Variants in TCEA1 observed in about 807,000 individuals in gnomAD.
The protein encoded by TCEA1 is transcription elongation factor A protein 1.
In TCEA1, 21 loss-of-function variants were observed where a neutral mutation model predicts 43.8. The ratio of observed to expected loss-of-function variants is 0.48; its 90% confidence interval spans 0.34 to 0.69. TCEA1 has a LOEUF of 0.69. Among genes scored for constraint, TCEA1 ranks in the 30% least tolerant of loss-of-function variants. The pLI, the probability that TCEA1 is intolerant of heterozygous loss-of-function variation, is 0.01. For synonymous variants in TCEA1, 104 were observed against 117.5 expected, an observed-to-expected ratio of 0.88 and a Z score of 0.75; for missense variants, 250 against 365.1, an observed-to-expected ratio of 0.68 and a Z score of 2.57.
intron 7 of TCEA1, among the ~76,000 whole-genome samples, chr8:53,980,133 T>C (rs1727674135): frequency 1.3e-5 from 2 of 152,184 alleles, no homozygotes; most frequent in Non-Finnish European, 2.9e-5. Flanking sequence ...GATTACACTA[T>C]GAACAATGTA....
At chr8:54,002,183 A>C (rs1804291029) in intron 2 of TCEA1, among the ~76,000 whole-genome samples, 1 of 150,012 alleles carries the variant, frequency 6.7e-6, no homozygotes. Context: ...CCAAAAAGAA[A>C]AAAAAAGGGC....
At chr8:53,973,717 A>T in intron 8 of TCEA1, 1 of 567,624 alleles carries the variant, frequency 1.8e-6, no homozygotes, top group African/African-American at 1.9e-5. Flanking sequence ...GATGACTTTG[A>T]GGTAAATGTT....
At chr8:54,005,999 C>G (rs1804424610) in intron 2 of TCEA1, among the ~76,000 whole-genome samples, 1 of 152,220 alleles carries the variant, frequency 6.6e-6, no homozygotes, top group Non-Finnish European at 1.5e-5. Context: ...CTTCCACATA[C>G]TGTTTTCTCT....
chr8:53,997,125 G>C (rs1288709410), intron 3 of TCEA1, among the ~76,000 whole-genome samples: 1 of 151,902 alleles, frequency 6.6e-6, no homozygotes, highest in East Asian at 1.9e-4. Context: ...AGCCAGGATG[G>C]TCTCGATCTC....
chr8:54,000,360 A>G (rs1804218946), intron 2 of TCEA1, among the ~76,000 whole-genome samples: 1 of 152,200 alleles, frequency 6.6e-6, no homozygotes. Context: ...GATAAAATAT[A>G]TAATGTTGTA....
intron 2 of TCEA1, 94 bp downstream of exon 2, chr8:54,010,336 T>C: frequency 4.2e-6 from 4 of 942,776 alleles, no homozygotes; most frequent in Non-Finnish European, 4.8e-6. Context: ...TACACCATTA[T>C]CAAGAGACTA....
In TCEA1 at chr8:53,972,741, C is replaced by T. The variant is rs116239367; in HGVS notation, c.826-2278G>A. On this transcript the variant is annotated intron_variant, in intron 8 of 9. Coordinates refer to ENST00000521604, the MANE Select transcript of TCEA1 (RefSeq NM_006756.4). ...TAGAGAAAAACTGAGAGGTTATCAA[C>T]TCAAATGACTGAAGTACTATTATGC... 1.3e-3 allele frequency: 909 copies of T among 698,754 alleles called. 4 individuals carry two copies. In the African/African-American group the frequency reaches 0.014, roughly 11 times the overall value. 43.3% of individuals were successfully genotyped at this position (698,754 alleles called of 1,614,324 possible).
chr8:54,010,964 C>T (rs951125956), intron 1 of TCEA1, among the ~76,000 whole-genome samples: 4 of 152,044 alleles, frequency 2.6e-5, no homozygotes, highest in African/African-American at 7.2e-5. Context: ...TACAGGCACA[C>T]ACCACCACGC....
intron 3 of TCEA1, among the ~76,000 whole-genome samples, chr8:53,996,360 T>C (rs1356663303): frequency 6.6e-6 from 1 of 152,232 alleles, no homozygotes; most frequent in African/African-American, 2.4e-5. Context: ...TTCAACTGTG[T>C]GCAAGGTATT....
At chr8:53,993,896 A>C in intron 3 of TCEA1, 141 bp from the exon 4 acceptor site, 1 of 662,828 alleles carries the variant, frequency 1.5e-6, no homozygotes, top group Non-Finnish European at 2.6e-6. Context: ...AGCTATTAGC[A>C]TATGTACTAT....
intron 7 of TCEA1, among the ~76,000 whole-genome samples, chr8:53,982,481 G>A (rs1189565288): frequency 6.6e-6 from 1 of 151,832 alleles, no homozygotes; most frequent in Non-Finnish European, 1.5e-5. Flanking sequence ...GGTGGCGGGC[G>A]CCTGTAATCC....
At chr8:54,012,495 G>C (rs1431724342) in intron 1 of TCEA1, among the ~76,000 whole-genome samples, 1 of 152,180 alleles carries the variant, frequency 6.6e-6, no homozygotes. Context: ...GGAAGTGGAG[G>C]TTGCAGTGAG....
intron 8 of TCEA1, 181 bp downstream of exon 8, chr8:53,978,844 C>A (rs1037235356): frequency 7.4e-6 from 4 of 541,734 alleles, no homozygotes; most frequent in African/African-American, 5.7e-5. Flanking sequence ...TCGGAAAAAA[C>A]GTGGTATACA....
At chr8:54,007,704 T>C (rs375746463) in intron 2 of TCEA1, among the ~76,000 whole-genome samples, 10 of 152,168 alleles carry the variant, frequency 6.6e-5, no homozygotes, top group African/African-American at 2.4e-4. Flanking sequence ...ACTTTTTTTC[T>C]CAATCATGTT....
At chr8:54,010,555 T>C (rs1480505185) in intron 1 of TCEA1, 63 bp from the exon 2 acceptor site, 33 of 1,347,910 alleles carry the variant, frequency 2.4e-5, no homozygotes. Flanking sequence ...TAGCCAGAAA[T>C]AAGGTTCATG....
intron 1 of TCEA1, among the ~76,000 whole-genome samples, chr8:54,018,050 C>T (rs892943187): frequency 2.0e-5 from 3 of 152,158 alleles, no homozygotes; most frequent in Admixed American, 6.5e-5. Flanking sequence ...CTCGATAAAG[C>T]TGTTATTAAA....
At chr8:53,998,196 C>T (rs1804127846) in intron 3 of TCEA1, among the ~76,000 whole-genome samples, 1 of 152,188 alleles carries the variant, frequency 6.6e-6, no homozygotes, top group East Asian at 1.9e-4. Context: ...CACACATACA[C>T]TAGCGCCAGT....
intron 4 of TCEA1, among the ~76,000 whole-genome samples, chr8:53,991,647 T>G (rs1052209435): frequency 2.6e-5 from 4 of 151,772 alleles, no homozygotes; most frequent in Non-Finnish European, 5.9e-5. Context: ...TGAGCTGAGA[T>G]TGTGCCATTG....
In TCEA1 at chr8:53,966,710, G is replaced by A. The variant is rs1487536301; in HGVS notation, c.*1394C>T. The A allele has an allele frequency of 5.1e-6, 1 of 197,906 alleles. No homozygotes were observed. Among genetic ancestry groups the A allele is most frequent in the Non-Finnish European group, 1.0e-5 (1 of 95,744 alleles). The allele number at this position is 197,906 out of a possible 1,614,324, so 12.3% of individuals were successfully genotyped here. Reference sequence around the variant, plus strand: ...AACTATGAACTGACAAAATAGAGGTGAGTTGGTACCAGTGGGCCAATTCTT... The same window carrying A: ...AACTATGAACTGACAAAATAGAGGTAAGTTGGTACCAGTGGGCCAATTCTT... On this transcript the variant is annotated 3_prime_UTR_variant, in exon 10 of 10. Coordinates refer to ENST00000521604, the MANE Select transcript of TCEA1 (RefSeq NM_006756.4).
Sources: allele counts gnomAD v4.1 joint callset (sites outside exome capture counted in the v4.1 genomes callset), GRCh38; gene constraint gnomAD v4.1.1; transcripts MANE v1.5; gene names NCBI Gene and HGNC (gene_info 2026-07-23, HGNC 2026-07-21).